The following GPC6 variants were observed in gnomAD, a reference collection of about 807,000 sequenced individuals.
The protein encoded by GPC6 is glypican-6.
In GPC6, 14 loss-of-function variants were observed where a neutral mutation model predicts 55.2. The ratio of observed to expected loss-of-function variants is 0.25; its 90% confidence interval spans 0.17 to 0.40. The LOEUF (loss-of-function observed/expected upper bound fraction) is 0.40, where lower values mean the gene tolerates loss of function less well. Ranked by LOEUF, GPC6 falls within the 10% of genes least tolerant of loss-of-function variation. The pLI is 1.00. For missense variants in GPC6, 641 were observed against 708.5 expected, an observed-to-expected ratio of 0.90 and a Z score of 1.08; for synonymous variants, 278 against 259.6, an observed-to-expected ratio of 1.07 and a Z score of -0.68.
rs1274541140 is a variant in GPC6 at position 93,403,059 on chromosome 13, T to A, written c.161-142204T>A. Among the ~76,000 whole-genome samples, 4 of 152,162 alleles carry A rather than the reference T, an allele frequency of 2.6e-5. No homozygotes were observed. In the East Asian group the frequency reaches 5.8e-4, roughly 22 times the overall value. On this transcript the variant is annotated intron_variant, in intron 1 of 8. Transcript: ENST00000377047. ...GATTGAAACCTAGGCACATTCTCAA[T>A]GTCAATAAAAATAAGGATTTAATAA...
intron 1 of GPC6, among the ~76,000 whole-genome samples, chr13:93,393,683 G>A (rs1026792383): frequency 2.0e-5 from 3 of 151,102 alleles, no homozygotes; most frequent in East Asian, 2.0e-4. Context: ...CTCATCCCCA[G>A]ATTCCCTCAA....
chr13:93,846,139 A>G (rs1888170961), intron 3 of GPC6, among the ~76,000 whole-genome samples: 1 of 152,132 alleles, frequency 6.6e-6, no homozygotes, highest in African/African-American at 2.4e-5. Context: ...TGAAGCCAAA[A>G]TGTACCAAAA....
At position 93,285,596 on chromosome 13, in the gene GPC6, G is replaced by A. The variant is rs189608443; in HGVS notation, c.160+57980G>A. On this transcript the variant is annotated intron_variant, in intron 1 of 8. Transcript: ENST00000377047. The stretch of plus-strand genomic sequence containing the variant: ...ATTGAGAAATTATTTTTCCTGGGAT[G>A]TATGTGTATGTATATACTGCTGTGT... 3.7e-3 allele frequency among the ~76,000 whole-genome samples: 543 copies of A among 148,210 alleles called. 1 individual carries two copies. The highest frequency in any genetic ancestry group is 0.012 in the African/African-American group (484 of 40,132).
intron 6 of GPC6, among the ~76,000 whole-genome samples, chr13:94,312,172 A>G (rs1394472184): frequency 6.6e-6 from 1 of 152,206 alleles, no homozygotes; most frequent in African/African-American, 2.4e-5. Flanking sequence ...CAAACAAACA[A>G]CACAAAAACC....
chr13:93,832,139 A>ATATATG (rs1292067060), intron 3 of GPC6, among the ~76,000 whole-genome samples: 1 of 120,300 alleles, frequency 8.3e-6, no homozygotes, highest in Non-Finnish European at 1.7e-5. Context: ...ATATATATAT[A>ATATATG]TATATAATGT....
Position 93,957,896 on chromosome 13 carries a change from A to C in GPC6, c.712-69833A>C, listed in dbSNP as rs1019541268. Reference sequence around the variant, plus strand: ...CCTCAATTATATTTGAGTTTTTAATAATAGCCATTTTGACCAGTGTGGGAT... The same window carrying C: ...CCTCAATTATATTTGAGTTTTTAATCATAGCCATTTTGACCAGTGTGGGAT... On this transcript the variant is annotated intron_variant, in intron 3 of 8. Transcript: ENST00000377047. Among the ~76,000 whole-genome samples, 7 of 152,118 alleles carry C rather than the reference A, an allele frequency of 4.6e-5. No homozygotes were observed. In the East Asian group the frequency reaches 1.4e-3, roughly 29 times the overall value.
intron 1 of GPC6, among the ~76,000 whole-genome samples, chr13:93,286,949 G>A (rs953440895): frequency 6.6e-6 from 1 of 152,080 alleles, no homozygotes; most frequent in African/African-American, 2.4e-5. Flanking sequence ...AAAATTGTTA[G>A]ATATAGACAC....
At chr13:94,333,827 G>C (rs1877545968) in intron 6 of GPC6, among the ~76,000 whole-genome samples, 1 of 152,214 alleles carries the variant, frequency 6.6e-6, no homozygotes, top group South Asian at 2.1e-4. Flanking sequence ...AGCATGCAAT[G>C]AAGATAGCCA....
chr13:93,242,500 AG>A (rs1389501547), intron 1 of GPC6, among the ~76,000 whole-genome samples: 2 of 152,210 alleles, frequency 1.3e-5, no homozygotes, highest in African/African-American at 4.8e-5. Context: ...TGCTCTATAA[AG>A]ACCATCTACA....
In GPC6 at chr13:94,310,944, G is replaced by A. The variant is rs1034534591; in HGVS notation, c.1152+4821G>A. On this transcript the variant is annotated intron_variant, in intron 6 of 8. Transcript: ENST00000377047. ...AGAACAAACCAACATCAGCCCTCATGCATAAGGTGCTAATGTTTCCATTAG... is the reference window on the plus strand; with the variant it reads ...AGAACAAACCAACATCAGCCCTCATACATAAGGTGCTAATGTTTCCATTAG... Among the ~76,000 whole-genome samples the A allele has an allele frequency of 9.9e-5, 15 of 152,090 alleles. 2 individuals carry two copies. In the East Asian group the frequency reaches 2.9e-3, roughly 29 times the overall value.
Position 94,064,448 on chromosome 13 carries a change from TG to T in GPC6, c.877+36556del, listed in dbSNP as rs1292369118. Among the ~76,000 whole-genome samples the T allele has an allele frequency of 2.0e-5, 3 of 152,172 alleles. No individual in the cohort carries two copies. In the East Asian group the frequency reaches 5.8e-4, roughly 29 times the overall value. Reference sequence around the variant, plus strand: ...CTCGAATGGGGTGCAGCATGGGGACTGGCCCAGGAAGTGTTTTAATTTTAGA... The same window carrying T: ...CTCGAATGGGGTGCAGCATGGGGACTGCCCAGGAAGTGTTTTAATTTTAGA... On this transcript the variant is annotated intron_variant, in intron 4 of 8. Coordinates refer to ENST00000377047, the MANE Select transcript of GPC6 (RefSeq NM_005708.5).
chr13:93,777,372 G>C (rs1594448267), intron 2 of GPC6, among the ~76,000 whole-genome samples: 1 of 152,202 alleles, frequency 6.6e-6, no homozygotes, highest in South Asian at 2.1e-4. Context: ...CATTTGCCCA[G>C]ATAACTCTCC....
At chr13:93,763,078 C>T (rs747975737) in intron 2 of GPC6, among the ~76,000 whole-genome samples, 32 of 152,156 alleles carry the variant, frequency 2.1e-4, no homozygotes, top group Non-Finnish European at 2.9e-4. Context: ...CCAAATTCTC[C>T]GTTTTCATGA....
At chr13:93,870,414 A>G (rs1257796238) in intron 3 of GPC6, among the ~76,000 whole-genome samples, 2 of 151,928 alleles carry the variant, frequency 1.3e-5, no homozygotes, top group Non-Finnish European at 1.5e-5. Context: ...TGACATCAGT[A>G]TATTTCCTAC....
chr13:93,930,915 C>T (rs1216954695), intron 3 of GPC6, among the ~76,000 whole-genome samples: 1 of 152,028 alleles, frequency 6.6e-6, no homozygotes, highest in Non-Finnish European at 1.5e-5. Flanking sequence ...CCTCAGGAAA[C>T]TTACAATCAT....
intron 3 of GPC6, among the ~76,000 whole-genome samples, chr13:93,896,392 A>G (rs908356581): frequency 2.0e-5 from 3 of 152,054 alleles, no homozygotes; most frequent in Admixed American, 6.6e-5. Context: ...AAAACATAAG[A>G]CACCACATTT....
At chr13:94,367,681 G>C (rs1324780423) in intron 6 of GPC6, among the ~76,000 whole-genome samples, 4 of 152,252 alleles carry the variant, frequency 2.6e-5, no homozygotes, top group African/African-American at 9.6e-5. Context: ...CCTAAAACCA[G>C]ACAGGATTAT....
At chr13:94,014,942 G>A (rs1182518652) in intron 3 of GPC6, among the ~76,000 whole-genome samples, 1 of 152,122 alleles carries the variant, frequency 6.6e-6, no homozygotes, top group South Asian at 2.1e-4. Flanking sequence ...TCATCATTTG[G>A]AGAATATTTG....
chr13:93,852,527 A>T (rs1268441430), intron 3 of GPC6, among the ~76,000 whole-genome samples: 1 of 151,764 alleles, frequency 6.6e-6, no homozygotes, highest in African/African-American at 2.4e-5. Context: ...AATATGTCTA[A>T]AATAAATACT....
Sources: allele counts gnomAD v4.1 joint callset (sites outside exome capture counted in the v4.1 genomes callset), GRCh38; gene constraint gnomAD v4.1.1; transcripts MANE v1.5; gene names NCBI Gene and HGNC (gene_info 2026-07-23, HGNC 2026-07-21).